CD5: variants seen among roughly 807,000 people sequenced by gnomAD.
CD5 encodes the protein T-cell surface glycoprotein CD5.
Under a neutral mutation model 60.3 loss-of-function variants are expected in CD5, and 36 were observed. The observed-to-expected ratio is 0.60, with a 90% confidence interval of 0.46 to 0.79. CD5 has a LOEUF of 0.79. Ranked by LOEUF, CD5 falls within the 30% of genes least tolerant of loss-of-function variation. CD5 has a pLI of 0.00. For synonymous variants in CD5, 230 were observed against 257.6 expected (o/e 0.89, Z 1.03); for missense variants, 540 against 630.6 (o/e 0.86, Z 1.54).
rs1861107234 is a variant in CD5, at chr11:61,123,884, T to A, written c.1226T>A (p.Phe409Tyr). 2.0e-6 allele frequency: 3 copies of A among 1,528,422 alleles called. No homozygotes were observed. Among genetic ancestry groups the A allele is most frequent in the Non-Finnish European group, 2.7e-6 (3 of 1,128,446 alleles). The allele number at this position is 1,528,422 out of a possible 1,614,324, so 94.7% of individuals were successfully genotyped here. ...PLAYKKLVKK[F>Y]RQKKQRQWIG... ...TGTGCCTTTCTTGTCTCTTGCCCAGTCCGCCAGAAGAAGCAGCGCCAGTGG... is the reference window on the plus strand; with the variant it reads ...TGTGCCTTTCTTGTCTCTTGCCCAGACCGCCAGAAGAAGCAGCGCCAGTGG... Residue 409 changes from phenylalanine to tyrosine, a missense_variant and splice_region_variant, in exon 8 of 11, where the codon TTC (phenylalanine) becomes TAC (tyrosine). Phe to Tyr is a conservative substitution (Grantham distance 22, BLOSUM62 3). Transcript: ENST00000347785.
chr11:61,114,324 G>C (rs1860903927), intron 1 of CD5, among the ~76,000 whole-genome samples: 1 of 152,120 alleles, frequency 6.6e-6, no homozygotes, highest in Admixed American at 6.5e-5. Flanking sequence ...TGGCCTGAGT[G>C]CTGTGGCTCA....
upstream of CD5, among the ~76,000 whole-genome samples, chr11:61,100,999 A>ATT (rs1191828995): frequency 1.8e-5 from 2 of 112,388 alleles, no homozygotes; most frequent in South Asian, 3.8e-4. Context: ...TGGAGATCAC[A>ATT]CACACACATC....
intron 1 of CD5, among the ~76,000 whole-genome samples, chr11:61,112,643 C>CA (rs34756129): frequency 0.42 from 62,859 of 148,726 alleles, 14,590 homozygotes; most frequent in East Asian, 0.92. Context: ...GACTCTGTTT[C>CA]AAAAAAAAAA....
chr11:61,097,143 T>A, the CD5 span, among the ~76,000 whole-genome samples: 1 of 152,070 alleles, frequency 6.6e-6, no homozygotes, highest in Non-Finnish European at 1.5e-5. Flanking sequence ...AACAAGAAAT[T>A]TGTTTTTGCA....
intron 1 of CD5, among the ~76,000 whole-genome samples, chr11:61,109,022 G>C (rs1860812327): frequency 6.6e-6 from 1 of 152,216 alleles, no homozygotes; most frequent in African/African-American, 2.4e-5. Flanking sequence ...GCAGGACCTA[G>C]GAGTGAGCCA....
At chr11:61,099,869 A>G (rs1304326329), upstream of CD5, among the ~76,000 whole-genome samples, 1 of 151,794 alleles carries the variant, frequency 6.6e-6, no homozygotes, top group Admixed American at 6.6e-5. Flanking sequence ...ACATGTCAAC[A>G]TGGAGATCAT....
upstream of CD5, chr11:61,102,454 GAGCAC>G: frequency 2.4e-6 from 1 of 412,736 alleles, no homozygotes; most frequent in South Asian, 2.5e-5. Flanking sequence ...ACCCCTCCCT[GAGCAC>G]GCCACCCCGC....
rs1433095454 is a variant in CD5 at position 61,125,748 on chromosome 11, C to A, written c.1400-3C>A. ...CTGCAAACAGCGTCCTTTCTTTCCCCAGCTCTGGAAGGGGCTCTGCATCGC... is the reference window on the plus strand; with the variant it reads ...CTGCAAACAGCGTCCTTTCTTTCCCAAGCTCTGGAAGGGGCTCTGCATCGC... On this transcript the variant is annotated splice_polypyrimidine_tract_variant and splice_region_variant and intron_variant, in intron 9 of 10. Coordinates refer to ENST00000347785, the MANE Select transcript of CD5 (RefSeq NM_014207.4). 1 of 1,607,576 alleles carries A rather than the reference C, an allele frequency of 6.2e-7. No individual in the cohort carries two copies. The highest frequency in any genetic ancestry group is 8.5e-7 in the Non-Finnish European group (1 of 1,175,636).
upstream of CD5, among the ~76,000 whole-genome samples, chr11:61,098,482 C>G (rs1286202587): frequency 6.6e-6 from 1 of 152,212 alleles, no homozygotes; most frequent in African/African-American, 2.4e-5. Context: ...GAAATGAAAT[C>G]TGCTCGGCAC....
chr11:61,100,974 TCA>T (rs1452456628), upstream of CD5, among the ~76,000 whole-genome samples: 1 of 51,056 alleles, frequency 2.0e-5, no homozygotes, highest in Non-Finnish European at 3.7e-5. Flanking sequence ...GAGATCACAT[TCA>T]CACACATCAA....
chr11:61,124,004 GCT>G, intron 8 of CD5, 67 bp downstream of exon 8: 1 of 1,264,668 alleles, frequency 7.9e-7, no homozygotes, highest in South Asian at 1.2e-5. Context: ...CAGAGTCGAG[GCT>G]CTCTGCTGAC....
At chr11:61,115,307 G>A (rs989213435) in intron 2 of CD5, among the ~76,000 whole-genome samples, 2 of 152,126 alleles carry the variant, frequency 1.3e-5, no homozygotes, top group East Asian at 1.9e-4. Flanking sequence ...CTCGACAGCC[G>A]TAAATCACCC....
chr11:61,117,157 T>G (rs1860978424), intron 2 of CD5, among the ~76,000 whole-genome samples: 1 of 152,254 alleles, frequency 6.6e-6, no homozygotes, highest in African/African-American at 2.4e-5. Flanking sequence ...AGGAATGAAC[T>G]ACTTATGCGT....
At chr11:61,110,655 A>G (rs1385533488) in intron 1 of CD5, among the ~76,000 whole-genome samples, 1 of 152,252 alleles carries the variant, frequency 6.6e-6, no homozygotes, top group Non-Finnish European at 1.5e-5. Flanking sequence ...CAAAAGCTCA[A>G]GACTCAGTGC....
At position 61,103,473 on chromosome 11, in the gene CD5, T is replaced by G. The variant is rs564803178; in HGVS notation, c.55+858T>G. On this transcript the variant is annotated intron_variant, in intron 1 of 10. Transcript: ENST00000347785. ...AGGGAGAGGGTCCGGAGGCCTTGCC[T>G]GCCTGAGCAGGGAGCCTCAGCAGCC... is the stretch of plus-strand genomic sequence containing the variant. Among the ~76,000 whole-genome samples, 429 of 152,280 alleles carry G rather than the reference T, an allele frequency of 2.8e-3. 4 individuals carry two copies. Among genetic ancestry groups the G allele is most frequent in the African/African-American group, 9.9e-3 (412 of 41,550 alleles).
intron 1 of CD5, among the ~76,000 whole-genome samples, chr11:61,108,414 G>A (rs1053418819): frequency 6.6e-6 from 1 of 152,202 alleles, no homozygotes; most frequent in Non-Finnish European, 1.5e-5. Flanking sequence ...CTCTCCTGGT[G>A]TAAGCCCAGT....
intron 2 of CD5, among the ~76,000 whole-genome samples, chr11:61,117,697 C>A (rs1860986162): frequency 6.6e-6 from 1 of 152,096 alleles, no homozygotes. Context: ...TGGGGTTTCA[C>A]CATGTTGGCC....
intron 8 of CD5, among the ~76,000 whole-genome samples, chr11:61,124,204 G>A (rs910232448): frequency 4.6e-5 from 7 of 152,018 alleles, no homozygotes; most frequent in African/African-American, 7.3e-5. Flanking sequence ...TCTGTCCCTC[G>A]CCCCATCTCT....
At chr11:61,113,634 T>C (rs1565184280) in intron 1 of CD5, among the ~76,000 whole-genome samples, 1 of 152,160 alleles carries the variant, frequency 6.6e-6, no homozygotes, top group African/African-American at 2.4e-5. Context: ...TAGCAAATGT[T>C]CTCTTGGTTC....
Sources: gnomAD v4.1 joint callset for allele counts (sites outside exome capture counted in the v4.1 genomes callset) on GRCh38, gnomAD v4.1.1 for gene constraint, MANE v1.5 for transcripts, NCBI Gene and HGNC (gene_info 2026-07-23, HGNC 2026-07-21) for gene names.